The following ZEB1 variants were observed in gnomAD, a reference collection of about 807,000 sequenced individuals.
ZEB1 encodes zinc finger E-box-binding homeobox 1.
In ZEB1, 21 loss-of-function variants were observed where a neutral mutation model predicts 84.9. That is an observed-to-expected ratio of 0.25 (90% CI 0.18 to 0.36). The LOEUF (loss-of-function observed/expected upper bound fraction) is 0.36. Ranked by LOEUF, ZEB1 falls within the 10% of genes least tolerant of loss-of-function variation. The pLI is 1.00. For synonymous variants in ZEB1, 420 were observed against 471.1 expected (o/e 0.89, Z 1.41); for missense variants, 1,104 against 1,330.2 (o/e 0.83, Z 2.65).
intron 3 of ZEB1, among the ~76,000 whole-genome samples, chr10:31,497,924 A>ATAG (rs2067482406): frequency 2.7e-5 from 4 of 145,492 alleles, no homozygotes; most frequent in South Asian, 4.5e-4. Context: ...AGGATGGAAA[A>ATAG]ATAGATAGAT....
intron 4 of ZEB1, among the ~76,000 whole-genome samples, chr10:31,510,254 A>T (rs1164211543): frequency 6.6e-6 from 1 of 152,242 alleles, no homozygotes; most frequent in African/African-American, 2.4e-5. Context: ...AATGATACAT[A>T]CCATTGTTAC....
chr10:31,442,309 C>CA (rs546086300), intron 1 of ZEB1, among the ~76,000 whole-genome samples: 130 of 151,048 alleles, frequency 8.6e-4, no homozygotes, highest in Middle Eastern at 3.4e-3. Context: ...ATCGCAAGGA[C>CA]AAAAAACCAA....
intron 1 of ZEB1, among the ~76,000 whole-genome samples, chr10:31,410,495 G>T (rs546362443): frequency 6.6e-6 from 1 of 152,174 alleles, no homozygotes; most frequent in South Asian, 2.1e-4. Flanking sequence ...CCAGGTTTTG[G>T]TATCAGGATG....
chr10:31,507,806 T>C (rs551813029), intron 4 of ZEB1, among the ~76,000 whole-genome samples: 50 of 152,306 alleles, frequency 3.3e-4, no homozygotes, highest in African/African-American at 1.2e-3. Flanking sequence ...TTATTTTTAA[T>C]CATTTTCCAG....
At chr10:31,357,843 G>A (rs945134594) in intron 1 of ZEB1, among the ~76,000 whole-genome samples, 9 of 151,896 alleles carry the variant, frequency 5.9e-5, no homozygotes, top group Admixed American at 4.6e-4. Flanking sequence ...TCAGTTTGTC[G>A]TCTACTCTAC....
chr10:31,387,335 T>C, intron 1 of ZEB1: 1 of 984,522 alleles, frequency 1.0e-6, no homozygotes, highest in Non-Finnish European at 1.2e-6. Flanking sequence ...TTTGGAATGC[T>C]CCATTGAGGG....
At chr10:31,394,783 T>C (rs72824241) in intron 1 of ZEB1, among the ~76,000 whole-genome samples, 3,764 of 152,332 alleles carry the variant, frequency 0.025, 64 homozygotes, top group Middle Eastern at 0.041. Context: ...TTGCTGAATC[T>C]GCATCATGAA....
At chr10:31,345,504 C>T (rs541737738) in intron 1 of ZEB1, among the ~76,000 whole-genome samples, 2 of 152,030 alleles carry the variant, frequency 1.3e-5, no homozygotes, top group African/African-American at 4.8e-5. Context: ...AACTACTTCC[C>T]AGAAGCCTTG....
chr10:31,492,489 T>A (rs2066673216), intron 2 of ZEB1, among the ~76,000 whole-genome samples: 1 of 151,810 alleles, frequency 6.6e-6, no homozygotes, highest in Non-Finnish European at 1.5e-5. Flanking sequence ...TAACGGGGTT[T>A]ATCAATATTT....
intron 1 of ZEB1, among the ~76,000 whole-genome samples, chr10:31,406,822 T>C (rs1472072699): frequency 6.6e-6 from 1 of 152,172 alleles, no homozygotes; most frequent in Non-Finnish European, 1.5e-5. Context: ...TTTTATGGTT[T>C]TAGGTCTTAT....
At chr10:31,457,303 A>G (rs1279658381) in intron 1 of ZEB1, among the ~76,000 whole-genome samples, 1 of 152,158 alleles carries the variant, frequency 6.6e-6, no homozygotes, top group African/African-American at 2.4e-5. Flanking sequence ...GTGGTGGGCC[A>G]TTTTTTAAAT....
At chr10:31,322,035 A>G (rs1433251906) in intron 1 of ZEB1, 1 of 173,986 alleles carries the variant, frequency 5.7e-6, no homozygotes, top group Non-Finnish European at 1.2e-5. Flanking sequence ...TGCAGTATGC[A>G]TTACTCTCAG....
At chr10:31,454,256 G>T (rs1305545217) in intron 1 of ZEB1, among the ~76,000 whole-genome samples, 1 of 152,086 alleles carries the variant, frequency 6.6e-6, no homozygotes, top group Non-Finnish European at 1.5e-5. Flanking sequence ...TTGATGGAAT[G>T]TATCTCAAAA....
intron 1 of ZEB1, among the ~76,000 whole-genome samples, chr10:31,436,219 T>G (rs1035894057): frequency 6.6e-6 from 1 of 152,182 alleles, no homozygotes; most frequent in Non-Finnish European, 1.5e-5. Context: ...AACAATCTCT[T>G]GACCTGAAGT....
chr10:31,447,498 T>C lies in ZEB1; in HGVS notation c.59-13539T>C, dbSNP rs1308575086. Among the ~76,000 whole-genome samples the C allele has an allele frequency of 3.0e-5, 4 of 133,152 alleles. No homozygotes were observed. In the Admixed American group the frequency reaches 3.1e-4, roughly 10 times the overall value. 87.4% of individuals were successfully genotyped at this position (133,152 alleles called of 152,430 possible). A position where few individuals can be genotyped will look rare whatever the true frequency, so the allele number is the denominator to read the frequency against. Reference sequence around the variant, plus strand: ...ATTTTGCTCGTTAGTTCATGCAGTTTCTTCCTAGTCTCGATGGTCTTTACA... The same window carrying C: ...ATTTTGCTCGTTAGTTCATGCAGTTCCTTCCTAGTCTCGATGGTCTTTACA... On this transcript the variant is annotated intron_variant, in intron 1 of 8. Coordinates refer to ENST00000424869, the MANE Select transcript of ZEB1 (RefSeq NM_001174096.2).
At chr10:31,457,779 T>C (rs2061408916) in intron 1 of ZEB1, among the ~76,000 whole-genome samples, 1 of 152,058 alleles carries the variant, frequency 6.6e-6, no homozygotes. Context: ...TAAAAAAATA[T>C]GAACCATGCA....
intron 1 of ZEB1, among the ~76,000 whole-genome samples, chr10:31,426,654 A>G (rs2056962686): frequency 6.6e-6 from 1 of 152,128 alleles, no homozygotes; most frequent in Admixed American, 6.5e-5. Flanking sequence ...GAGTAATTGG[A>G]TGGATGCCTG....
chr10:31,440,157 T>A (rs922488705), intron 1 of ZEB1, among the ~76,000 whole-genome samples: 1 of 152,158 alleles, frequency 6.6e-6, no homozygotes, highest in East Asian at 1.9e-4. Context: ...GAGTCAAAAC[T>A]ATCACTGAGA....
intron 1 of ZEB1, among the ~76,000 whole-genome samples, chr10:31,362,607 G>C (rs1166833277): frequency 2.0e-5 from 3 of 151,954 alleles, no homozygotes; most frequent in African/African-American, 7.3e-5. Context: ...AGACAGGGCG[G>C]GGGCCGGGCA....
Sources: gnomAD v4.1 joint callset for allele counts (sites outside exome capture counted in the v4.1 genomes callset) on GRCh38, gnomAD v4.1.1 for gene constraint, MANE v1.5 for transcripts, NCBI Gene and HGNC (gene_info 2026-07-23, HGNC 2026-07-21) for gene names.